The following SHC4 variants were observed in gnomAD, a reference collection of about 807,000 sequenced individuals.
SHC4 encodes the protein SHC adaptor protein 4.
Under a neutral mutation model 69.4 loss-of-function variants are expected in SHC4, and 41 were observed. That is an observed-to-expected ratio of 0.59 (90% CI 0.46 to 0.77). The LOEUF (loss-of-function observed/expected upper bound fraction) is 0.77. Ranked by LOEUF, SHC4 falls within the 30% of genes least tolerant of loss-of-function variation. The pLI is 0.00. For synonymous variants in SHC4, 318 were observed against 299.3 expected (o/e 1.06, Z -0.64); for missense variants, 777 against 783.8 (o/e 0.99, Z 0.10).
At chr15:48,840,008 G>T (rs1186560140) in intron 10 of SHC4, among the ~76,000 whole-genome samples, 1 of 152,192 alleles carries the variant, frequency 6.6e-6, no homozygotes, top group Admixed American at 6.5e-5. Context: ...AATGATGTCT[G>T]CCACTTCTGG....
intron 4 of SHC4, among the ~76,000 whole-genome samples, chr15:48,873,619 T>C (rs899061702): frequency 6.6e-5 from 10 of 152,030 alleles, no homozygotes; most frequent in African/African-American, 1.9e-4. Flanking sequence ...TGGGCACCTG[T>C]AGTCCCCGCT....
intron 2 of SHC4, among the ~76,000 whole-genome samples, chr15:48,915,513 C>T (rs1418790475): frequency 2.0e-5 from 3 of 152,244 alleles, no homozygotes; most frequent in Non-Finnish European, 4.4e-5. Context: ...TACACAACAT[C>T]AGACTTCCAG....
chr15:48,860,199 G>A (rs374855615), intron 6 of SHC4, among the ~76,000 whole-genome samples: 8 of 151,748 alleles, frequency 5.3e-5, no homozygotes, highest in Non-Finnish European at 7.4e-5. Flanking sequence ...TTTTAATCTC[G>A]TAAATTCCCA....
intron 3 of SHC4, among the ~76,000 whole-genome samples, chr15:48,887,727 A>C (rs1018762383): frequency 6.6e-6 from 1 of 152,318 alleles, no homozygotes; most frequent in South Asian, 2.1e-4. Context: ...TTCTCCCAAA[A>C]GATCGACAAA....
At chr15:48,959,930 C>T (rs1410721834) in intron 1 of SHC4, among the ~76,000 whole-genome samples, 1 of 152,150 alleles carries the variant, frequency 6.6e-6, no homozygotes, top group Non-Finnish European at 1.5e-5. Flanking sequence ...TTTGAAAAAC[C>T]TGGGGTTTGG....
In SHC4 at chr15:48,834,841, A is replaced by G; in HGVS notation, c.1665T>C (p.Pro555=). The G allele has an allele frequency of 7.4e-6, 12 of 1,614,196 alleles. No homozygotes were observed. The highest frequency in any genetic ancestry group is 1.0e-5 in the Non-Finnish European group (12 of 1,180,024). The change falls in exon 11 of 12, where the codon CCT becomes CCC. Residue 555 remains proline (P), a synonymous_variant. Transcript: ENST00000332408. ...GTAGTCCACTCAGCACATATTGGCC[A>G]GGGGATGTTGCACTCTCTCGAACCA... ...DFLVRESATS[P]GQYVLSGLQG... is the part of the protein sequence containing the mutation.
intron 1 of SHC4, among the ~76,000 whole-genome samples, chr15:48,926,174 C>T (rs181750189): frequency 2.6e-5 from 4 of 152,304 alleles, no homozygotes; most frequent in Admixed American, 2.0e-4. Flanking sequence ...TAGTAGTCTT[C>T]TGTGTAGCTT....
In SHC4 at chr15:48,888,208, C is replaced by G. The variant is rs527550223; in HGVS notation, c.720+2540G>C. On this transcript the variant is annotated intron_variant, in intron 3 of 11. Transcript: ENST00000332408. The stretch of plus-strand genomic sequence containing the variant: ...ATTCATAATAGCTAAGCTGTGGAAG[C>G]AACCCGGTGTCCATCTACAGATGAA... Among the ~76,000 whole-genome samples the G allele has an allele frequency of 3.3e-5, 5 of 152,322 alleles. No homozygotes were observed. The South Asian group carries it at 6.2e-4, about 19-fold the overall frequency.
At chr15:48,829,907 A>G (rs1012301306) in intron 11 of SHC4, among the ~76,000 whole-genome samples, 13 of 152,244 alleles carry the variant, frequency 8.5e-5, no homozygotes, top group African/African-American at 2.4e-4. Context: ...CAATAGAGCG[A>G]GACTCCGTCT....
chr15:48,951,103 C>T (rs1012318014), intron 1 of SHC4, among the ~76,000 whole-genome samples: 3 of 152,158 alleles, frequency 2.0e-5, no homozygotes, highest in Non-Finnish European at 2.9e-5. Flanking sequence ...GTCCATTCCA[C>T]GGGCCTTGAT....
chr15:48,954,702 G>A (rs548817815), intron 1 of SHC4, among the ~76,000 whole-genome samples: 3 of 152,266 alleles, frequency 2.0e-5, no homozygotes, highest in East Asian at 3.9e-4. Context: ...GCTGCTGGCC[G>A]GGAGAAAGTA....
intron 2 of SHC4, among the ~76,000 whole-genome samples, chr15:48,894,857 C>A (rs1172408676): frequency 6.6e-6 from 1 of 152,104 alleles, no homozygotes; most frequent in Non-Finnish European, 1.5e-5. Context: ...GGGATCATAG[C>A]TCAATGCAGC....
chr15:48,962,642 G>C lies in SHC4; in HGVS notation c.374C>G (p.Pro125Arg), dbSNP rs546531972. ...TGGGGAAGAGGGGCCGCTGGAACCTGGGTCCCGGCTTTCCTGGAGCTTCAG... is the reference window on the plus strand; with the variant it reads ...TGGGGAAGAGGGGCCGCTGGAACCTCGGTCCCGGCTTTCCTGGAGCTTCAG... ...PRLKLQESRD[P>R]GSSGPSSPET... is the part of the protein sequence containing the mutation. Residue 125 changes from proline to arginine, a missense_variant, in exon 1 of 12, where the codon CCA becomes CGA. Physicochemically the swap from Pro to Arg is moderately radical, Grantham distance 103 (BLOSUM62 -2). Transcript: ENST00000332408. 1 of 1,614,192 alleles carries C rather than the reference G, an allele frequency of 6.2e-7. No homozygotes were observed. Among genetic ancestry groups the C allele is most frequent in the South Asian group, 1.1e-5 (1 of 91,088 alleles).
intron 1 of SHC4, among the ~76,000 whole-genome samples, chr15:48,931,092 GA>G (rs1386319604): frequency 6.6e-6 from 1 of 152,114 alleles, no homozygotes. Context: ...TAGCTTTCCT[GA>G]GAACATTTTC....
At chr15:48,950,954 C>A (rs1198654738) in intron 1 of SHC4, among the ~76,000 whole-genome samples, 1 of 152,040 alleles carries the variant, frequency 6.6e-6, no homozygotes, top group Non-Finnish European at 1.5e-5. Flanking sequence ...CCTCTCTCTC[C>A]TGGAAACTCT....
intron 4 of SHC4, chr15:48,877,555 A>C: frequency 2.0e-6 from 2 of 985,344 alleles, no homozygotes; most frequent in Non-Finnish European, 1.2e-6. Flanking sequence ...AAAAGAATTC[A>C]AAGAATACAC....
At position 48,963,856 on chromosome 15, in the gene SHC4, T is replaced by C. The variant is rs1022392820; in HGVS notation, c.-841A>G. ...AGGATGATACGCAGCGTGTTGAAAT[T>C]TTTATGAATGAACTTTGCCGAATGA... On this transcript the variant is annotated 5_prime_UTR_variant, in exon 1 of 12. Transcript: ENST00000332408. 6.6e-6 allele frequency among the ~76,000 whole-genome samples: 1 copy of C among 152,216 alleles called. No homozygotes were observed. Among genetic ancestry groups the C allele is most frequent in the Admixed American group, 6.5e-5 (1 of 15,284 alleles).
At chr15:48,857,445 T>C (rs185760978) in intron 7 of SHC4, among the ~76,000 whole-genome samples, 2 of 152,286 alleles carry the variant, frequency 1.3e-5, no homozygotes, top group South Asian at 2.1e-4. Context: ...CTATTCTTAC[T>C]TTTAGTGAGA....
At chr15:48,842,927 C>A (rs1277916798) in intron 10 of SHC4, among the ~76,000 whole-genome samples, 2 of 151,604 alleles carry the variant, frequency 1.3e-5, no homozygotes, top group African/African-American at 4.8e-5. Flanking sequence ...TGAGACCCTG[C>A]TTCAGAAAAA....
Sources: allele counts gnomAD v4.1 joint callset (sites outside exome capture counted in the v4.1 genomes callset), GRCh38; gene constraint gnomAD v4.1.1; transcripts MANE v1.5; gene names NCBI Gene and HGNC (gene_info 2026-07-23, HGNC 2026-07-21).